The following NFIB variants were observed in gnomAD, a reference collection of about 807,000 sequenced individuals.
NFIB encodes nuclear factor I B, also known as nuclear factor 1 B-type.
In NFIB, 11 loss-of-function variants were observed where a neutral mutation model predicts 61.5. That is an observed-to-expected ratio of 0.18 (90% CI 0.11 to 0.30). The LOEUF (loss-of-function observed/expected upper bound fraction) is 0.30. NFIB is among the 10% of genes least tolerant of loss of function. The pLI, the probability that NFIB is intolerant of heterozygous loss-of-function variation, is 1.00. For missense variants in NFIB, 471 were observed against 608.9 expected (o/e 0.77, Z 2.38); for synonymous variants, 260 against 216.5 (o/e 1.20, Z -1.76).
chr9:14,412,749 C>T, the NFIB span, among the ~76,000 whole-genome samples: 5 of 152,184 alleles, frequency 3.3e-5, no homozygotes, highest in African/African-American at 4.8e-5. Flanking sequence ...CAGAGGGGAG[C>T]GCTCAGGGCA....
the NFIB span, among the ~76,000 whole-genome samples, chr9:14,420,871 C>T: frequency 5.3e-5 from 8 of 152,066 alleles, no homozygotes; most frequent in African/African-American, 1.7e-4. Flanking sequence ...GACTTAATTG[C>T]CATAATTCAA....
In NFIB at chr9:14,211,214, G is replaced by A. The variant is rs143230323; in HGVS notation, c.563-31434C>T. Among the ~76,000 whole-genome samples the A allele has an allele frequency of 8.9e-3, 1,357 of 152,208 alleles. 11 individuals carry two copies. Among genetic ancestry groups the A allele is most frequent in the Non-Finnish European group, 0.014 (950 of 68,012 alleles). Reference sequence around the variant, plus strand: ...TTGTATTCAAAAATAGTTTTTCTGTGTGATTAACAGTAATATTACCTGGGC... The same window carrying A: ...TTGTATTCAAAAATAGTTTTTCTGTATGATTAACAGTAATATTACCTGGGC... On this transcript the variant is annotated intron_variant, in intron 2 of 10. Transcript: ENST00000380953.
the NFIB span, among the ~76,000 whole-genome samples, chr9:14,417,536 T>G: frequency 6.6e-6 from 1 of 152,330 alleles, no homozygotes; most frequent in South Asian, 2.1e-4. Flanking sequence ...AGTGAAGTAG[T>G]TGGGCTGGAA....
the NFIB span, among the ~76,000 whole-genome samples, chr9:14,445,943 A>G: frequency 3.9e-5 from 6 of 152,316 alleles, no homozygotes; most frequent in African/African-American, 1.4e-4. Context: ...TTCTGGTAAC[A>G]CACTGGCTCA....
chr9:14,181,541 T>C (rs2046776250), intron 2 of NFIB, among the ~76,000 whole-genome samples: 1 of 152,218 alleles, frequency 6.6e-6, no homozygotes, highest in Non-Finnish European at 1.5e-5. Context: ...TTTAAAAAAC[T>C]GGTACAATAT....
intron 3 of NFIB, among the ~76,000 whole-genome samples, chr9:14,173,545 T>C (rs1339872444): frequency 6.6e-6 from 1 of 152,232 alleles, no homozygotes; most frequent in South Asian, 2.1e-4. Context: ...CTCCAGTATC[T>C]AGCCGAGTGT....
intron 2 of NFIB, among the ~76,000 whole-genome samples, chr9:14,248,169 G>C (rs1287958674): frequency 6.6e-6 from 1 of 151,222 alleles, no homozygotes; most frequent in Non-Finnish European, 1.5e-5. Flanking sequence ...CCTGGCCTCA[G>C]CAATCCTCCC....
At chr9:14,343,190 C>T (rs941101004) in intron 1 of NFIB, among the ~76,000 whole-genome samples, 1 of 152,094 alleles carries the variant, frequency 6.6e-6, no homozygotes, top group Non-Finnish European at 1.5e-5. Context: ...TTGAAATTTC[C>T]CCTGTTACTG....
At chr9:14,277,328 C>T (rs532532164) in intron 2 of NFIB, among the ~76,000 whole-genome samples, 3 of 123,546 alleles carry the variant, frequency 2.4e-5, no homozygotes, top group Non-Finnish European at 5.0e-5. Flanking sequence ...CGCGCACACA[C>T]GTGCACGCAC....
the NFIB span, among the ~76,000 whole-genome samples, chr9:14,468,322 C>T: frequency 2.0e-5 from 3 of 152,174 alleles, no homozygotes; most frequent in Admixed American, 2.0e-4. Context: ...TTAAGGTACA[C>T]CTCTTTGCCA....
chr9:14,153,175 A>G (rs959113002), intron 4 of NFIB, among the ~76,000 whole-genome samples: 1 of 152,126 alleles, frequency 6.6e-6, no homozygotes, highest in Non-Finnish European at 1.5e-5. Flanking sequence ...TTAATTTTGT[A>G]AAGATAGCAA....
At chr9:14,404,288 T>G in the NFIB span, among the ~76,000 whole-genome samples, 1 of 152,084 alleles carries the variant, frequency 6.6e-6, no homozygotes, top group Non-Finnish European at 1.5e-5. Context: ...CCCCGAGGAT[T>G]CTTTGATTTG....
the NFIB span, among the ~76,000 whole-genome samples, chr9:14,457,356 T>A: frequency 3.3e-5 from 5 of 152,112 alleles, no homozygotes; most frequent in Non-Finnish European, 5.9e-5. Flanking sequence ...CGAGTTGATG[T>A]CAACACCCTT....
At chr9:14,406,800 C>A in the NFIB span, among the ~76,000 whole-genome samples, 6 of 152,190 alleles carry the variant, frequency 3.9e-5, no homozygotes, top group Admixed American at 2.6e-4. Flanking sequence ...ATATTCAGGT[C>A]AAGGTGATCC....
chr9:14,085,384 C>T lies in NFIB; in HGVS notation c.*2925G>A, dbSNP rs530196811. The T allele has an allele frequency of 3.3e-4, 73 of 223,540 alleles. No individual in the cohort carries two copies. Among genetic ancestry groups the T allele is most frequent in the African/African-American group, 1.5e-3 (66 of 44,848 alleles). 13.8% of individuals were successfully genotyped at this position (223,540 alleles called of 1,614,324 possible). On this transcript the variant is annotated 3_prime_UTR_variant, in exon 11 of 11. Coordinates refer to ENST00000380953, the MANE Select transcript of NFIB (RefSeq NM_001190737.2). ...AATGAATACACTCAATGGGACTGGG[C>T]GGTGAGGGAAAGGCAAAATAAAACC...
At chr9:14,293,899 G>C (rs1329635719) in intron 2 of NFIB, among the ~76,000 whole-genome samples, 1 of 152,130 alleles carries the variant, frequency 6.6e-6, no homozygotes, top group African/African-American at 2.4e-5. Context: ...ACTAAAAACA[G>C]TCTGTCTACC....
chr9:14,290,246 T>G (rs1311057966), intron 2 of NFIB, among the ~76,000 whole-genome samples: 1 of 152,026 alleles, frequency 6.6e-6, no homozygotes, highest in African/African-American at 2.4e-5. Flanking sequence ...TACATAGCAA[T>G]TACAGTATTT....
At chr9:14,515,991 C>G in the NFIB span, among the ~76,000 whole-genome samples, 19 of 152,234 alleles carry the variant, frequency 1.2e-4, no homozygotes, top group East Asian at 3.5e-3. Context: ...TCCAGGGGAG[C>G]GGCTCCGCTT....
At chr9:14,418,380 A>T in the NFIB span, among the ~76,000 whole-genome samples, 81 of 152,308 alleles carry the variant, frequency 5.3e-4, no homozygotes, top group African/African-American at 1.9e-3. Flanking sequence ...GGGAAGTTAC[A>T]TAATAGGTTT....
Sources: gnomAD v4.1 joint callset for allele counts (sites outside exome capture counted in the v4.1 genomes callset) on GRCh38, gnomAD v4.1.1 for gene constraint, MANE v1.5 for transcripts, NCBI Gene and HGNC (gene_info 2026-07-23, HGNC 2026-07-21) for gene names.